PDE4D: variants seen among roughly 807,000 people sequenced by gnomAD.
PDE4D encodes 3',5'-cyclic-AMP phosphodiesterase 4D.
PDE4D carries 24 observed loss-of-function variants against 87.4 expected under a neutral mutation model. That is an observed-to-expected ratio of 0.27 (90% CI 0.20 to 0.39). PDE4D has a LOEUF of 0.39. Ranked by LOEUF, PDE4D falls within the 10% of genes least tolerant of loss-of-function variation. The pLI, the probability that PDE4D is intolerant of heterozygous loss-of-function variation, is 1.00. For synonymous variants in PDE4D, 384 were observed against 383.2 expected, an observed-to-expected ratio of 1.00 and a Z score of -0.02; for missense variants, 714 against 1,041.0, an observed-to-expected ratio of 0.69 and a Z score of 4.32.
chr5:59,150,846 G>C (rs1779374808), intron 5 of PDE4D, among the ~76,000 whole-genome samples: 1 of 152,142 alleles, frequency 6.6e-6, no homozygotes, highest in African/African-American at 2.4e-5. Context: ...TAAATCTACT[G>C]ATGGCCTAAA....
intron 1 of PDE4D, among the ~76,000 whole-genome samples, chr5:60,443,824 C>A (rs1745428033): frequency 6.6e-6 from 1 of 152,260 alleles, no homozygotes; most frequent in Admixed American, 6.5e-5. Context: ...CCCAGCTACA[C>A]ACTCAGCATT....
At chr5:59,226,286 A>C (rs1396295231) in intron 1 of PDE4D, among the ~76,000 whole-genome samples, 11 of 152,212 alleles carry the variant, frequency 7.2e-5, no homozygotes. Flanking sequence ...AAAATGTGGT[A>C]TATACATACA....
chr5:60,291,765 C>G (rs999699730), intron 1 of PDE4D, among the ~76,000 whole-genome samples: 1 of 152,050 alleles, frequency 6.6e-6, no homozygotes. Flanking sequence ...GTGGGAATTT[C>G]TTTTTGAAAA....
intron 5 of PDE4D, among the ~76,000 whole-genome samples, chr5:59,128,703 C>T (rs534509441): frequency 5.2e-4 from 79 of 152,290 alleles, no homozygotes; most frequent in African/African-American, 1.9e-3. Flanking sequence ...TATCCACCAA[C>T]CAAATAATGT....
At chr5:60,273,310 G>A (rs1384208636) in intron 1 of PDE4D, among the ~76,000 whole-genome samples, 1 of 152,084 alleles carries the variant, frequency 6.6e-6, no homozygotes, top group Non-Finnish European at 1.5e-5. Flanking sequence ...CCAAGCAGAG[G>A]CATCACCTCT....
chr5:59,564,480 C>T (rs553825016), intron 1 of PDE4D, among the ~76,000 whole-genome samples: 2 of 152,082 alleles, frequency 1.3e-5, no homozygotes, highest in Non-Finnish European at 2.9e-5. Flanking sequence ...ATAATTTTGT[C>T]CAAACACGAG....
At chr5:60,262,766 A>G (rs1403652366) in intron 1 of PDE4D, among the ~76,000 whole-genome samples, 2 of 152,204 alleles carry the variant, frequency 1.3e-5, no homozygotes, top group East Asian at 1.9e-4. Context: ...CTTTGTCAGC[A>G]CAACCTCAGC....
chr5:59,634,622 G>C (rs1015502651), intron 1 of PDE4D, among the ~76,000 whole-genome samples: 3 of 152,172 alleles, frequency 2.0e-5, no homozygotes, highest in African/African-American at 7.2e-5. Context: ...CAAAAAACCT[G>C]CTCCTGAATG....
At chr5:59,311,203 A>C (rs1772517551) in intron 1 of PDE4D, among the ~76,000 whole-genome samples, 1 of 151,940 alleles carries the variant, frequency 6.6e-6, no homozygotes, top group African/African-American at 2.4e-5. Context: ...CCTACTCACT[A>C]CTCTGATCCA....
intron 1 of PDE4D, among the ~76,000 whole-genome samples, chr5:59,276,903 G>C (rs1353913436): frequency 6.6e-6 from 1 of 151,840 alleles, no homozygotes; most frequent in East Asian, 1.9e-4. Context: ...GATTCCAATT[G>C]CTCCCAACAG....
intron 1 of PDE4D, among the ~76,000 whole-genome samples, chr5:59,333,105 T>C (rs1047263235): frequency 6.6e-6 from 1 of 152,238 alleles, no homozygotes; most frequent in Non-Finnish European, 1.5e-5. Context: ...AGTTTGAGTT[T>C]TCCTCAAAGG....
chr5:58,998,870 G>C (rs1749825361), intron 6 of PDE4D, among the ~76,000 whole-genome samples: 1 of 152,074 alleles, frequency 6.6e-6, no homozygotes. Flanking sequence ...CATGGAAAAA[G>C]CCTGCCAAGC....
At chr5:60,211,608 T>C (rs1219636356) in intron 1 of PDE4D, among the ~76,000 whole-genome samples, 1 of 150,856 alleles carries the variant, frequency 6.6e-6, no homozygotes, top group Non-Finnish European at 1.5e-5. Context: ...ATTATATGAA[T>C]AACATTTTTA....
At chr5:59,883,179 G>T (rs1749694163) in intron 1 of PDE4D, among the ~76,000 whole-genome samples, 1 of 152,320 alleles carries the variant, frequency 6.6e-6, no homozygotes, top group East Asian at 1.9e-4. Flanking sequence ...GGTTGGGCTT[G>T]CTTGAGGGCT....
intron 6 of PDE4D, among the ~76,000 whole-genome samples, chr5:59,022,513 C>T (rs918534475): frequency 6.6e-6 from 1 of 152,204 alleles, no homozygotes; most frequent in Non-Finnish European, 1.5e-5. Flanking sequence ...AACCTGCTTA[C>T]ACCTTCCGTG....
chr5:59,214,671 A>C (rs1750835832), intron 2 of PDE4D, among the ~76,000 whole-genome samples: 2 of 152,216 alleles, frequency 1.3e-5, no homozygotes, highest in African/African-American at 4.8e-5. Context: ...TTTCAAATCT[A>C]AGGAAGTGAG....
At chr5:60,220,969 A>T (rs1303557702) in intron 1 of PDE4D, among the ~76,000 whole-genome samples, 1 of 152,176 alleles carries the variant, frequency 6.6e-6, no homozygotes, top group Non-Finnish European at 1.5e-5. Context: ...AATAATCCTC[A>T]ACACTAAAGA....
chr5:60,103,429 T>C lies in PDE4D; in HGVS notation c.42+82128A>G, dbSNP rs149640907. Among the ~76,000 whole-genome samples the C allele has an allele frequency of 5.8e-3, 886 of 152,246 alleles. 11 individuals carry two copies. The highest frequency in any genetic ancestry group is 0.021 in the African/African-American group (852 of 41,546). On this transcript the variant is annotated intron_variant, in intron 2 of 16. Transcript: ENST00000502484. Reference sequence around the variant, plus strand: ...ACTATTTCAGCAAAGAGGGGAGTAATTCCCATACCAGCATTCCAGCCATAT... The same window carrying C: ...ACTATTTCAGCAAAGAGGGGAGTAACTCCCATACCAGCATTCCAGCCATAT...
chr5:60,443,255 T>C (rs115579516), intron 1 of PDE4D, among the ~76,000 whole-genome samples: 2 of 152,102 alleles, frequency 1.3e-5, no homozygotes, highest in African/African-American at 4.8e-5. Flanking sequence ...GAAGAAAAGG[T>C]GTAGATAGTG....
Sources: gnomAD v4.1 joint callset for allele counts (sites outside exome capture counted in the v4.1 genomes callset) on GRCh38, gnomAD v4.1.1 for gene constraint, MANE v1.5 for transcripts, NCBI Gene and HGNC (gene_info 2026-07-23, HGNC 2026-07-21) for gene names.